Variants in GALK1 observed in about 807,000 individuals in gnomAD.
GALK1 encodes galactokinase 1.
Under a neutral mutation model 38.6 loss-of-function variants are expected in GALK1, and 30 were observed. The ratio of observed to expected loss-of-function variants is 0.78; its 90% CI spans 0.58 to 1.05. The LOEUF (loss-of-function observed/expected upper bound fraction) is 1.05, where lower values mean the gene tolerates loss of function less well. Ranked by LOEUF, GALK1 falls within the 50% of genes least tolerant of loss-of-function variation. The pLI is 0.00. For missense variants in GALK1, 512 were observed against 540.5 expected (o/e 0.95, Z 0.52); for synonymous variants, 240 against 233.6 (o/e 1.03, Z -0.25).
chr17:75,753,456 G>C (rs988568016), downstream of GALK1, among the ~76,000 whole-genome samples: 1 of 152,200 alleles, frequency 6.6e-6, no homozygotes, highest in Non-Finnish European at 1.5e-5. Context: ...AGTAAAGCAA[G>C]GGAGACCTCA....
chr17:75,765,082 C>A lies in GALK1; in HGVS notation c.55G>T (p.Ala19Ser). The change falls in exon 1 of 8, where the codon GCC (alanine) becomes TCC (serine). Residue 19 changes from alanine (A) to serine (S), a missense_variant. Coordinates refer to ENST00000588479, the MANE Select transcript of GALK1 (RefSeq NM_000154.2). ...VAELLAEARR[A>S]FREEFGAEPE... ...TCGGCCCCGAACTCCTCCCGGAAGGCTCGCCGGGCCTCGGCCAGCAGCTCC... is the reference window on the plus strand; with the variant it reads ...TCGGCCCCGAACTCCTCCCGGAAGGATCGCCGGGCCTCGGCCAGCAGCTCC... 6.3e-7 allele frequency: 1 copy of A among 1,593,854 alleles called. No homozygotes were observed. Among genetic ancestry groups the A allele is most frequent in the East Asian group, 2.3e-5 (1 of 43,980 alleles).
chr17:75,754,702 T>A (rs778439730), downstream of GALK1: 5 of 1,614,134 alleles, frequency 3.1e-6, no homozygotes, highest in South Asian at 4.4e-5. Flanking sequence ...CACCGCGTGC[T>A]AAGCACATCC....
At chr17:75,758,649 C>A (rs978329902) in intron 5 of GALK1, 50 bp from the exon 6 acceptor site, 2 of 1,550,840 alleles carry the variant, frequency 1.3e-6, no homozygotes, top group East Asian at 2.4e-5. Context: ...CCTGGGGCCC[C>A]GACGCCTGTG....
downstream of GALK1, chr17:75,754,652 T>A (rs138486001): frequency 4.8e-5 from 78 of 1,613,912 alleles, no homozygotes; most frequent in Non-Finnish European, 6.4e-5. Flanking sequence ...CCACGACCAG[T>A]GCTGCTGCCT....
downstream of GALK1, chr17:75,753,777 A>T: frequency 2.1e-6 from 3 of 1,449,056 alleles, no homozygotes; most frequent in African/African-American, 2.9e-5. Flanking sequence ...TGCGGCTGGA[A>T]GTTCGAGCCC....
chr17:75,762,520 A>G (rs935082523), intron 5 of GALK1, among the ~76,000 whole-genome samples, 184 bp downstream of exon 5: 1 of 152,140 alleles, frequency 6.6e-6, no homozygotes, highest in Non-Finnish European at 1.5e-5. Flanking sequence ...ATTAGATAAG[A>G]CCATTTTAGG....
downstream of GALK1, chr17:75,756,313 C>A: frequency 8.8e-7 from 1 of 1,138,352 alleles, no homozygotes; most frequent in South Asian, 1.3e-5. Flanking sequence ...ACCCAAACCA[C>A]AGCTAGTCCT....
downstream of GALK1, chr17:75,755,175 T>G (rs1034584331): frequency 6.2e-7 from 1 of 1,608,018 alleles, no homozygotes; most frequent in Admixed American, 1.7e-5. Flanking sequence ...GACTCTATAA[T>G]CCTGGCTGGG....
downstream of GALK1, chr17:75,755,080 G>A (rs761964471): frequency 1.1e-5 from 18 of 1,600,954 alleles, no homozygotes; most frequent in Admixed American, 1.7e-5. Flanking sequence ...GGGAACACGG[G>A]AGGAGCAGGC....
At chr17:75,764,301 G>A (rs993945781) in intron 1 of GALK1, 5 of 754,520 alleles carry the variant, frequency 6.6e-6, no homozygotes, top group Admixed American at 3.4e-5. Flanking sequence ...TGCAGCTGGA[G>A]CACAGACCTG....
Position 75,758,431 on chromosome 17 carries a change from G to A in GALK1, c.944+18C>T. On this transcript the variant is annotated intron_variant, in intron 6 of 7. Coordinates refer to ENST00000588479, the MANE Select transcript of GALK1 (RefSeq NM_000154.2). ...CCGGCCTGTGCCCGGCAGGAGCGGG[G>A]CGCCCAGAGGGCCTCACCTGAGTGA... The A allele has an allele frequency of 6.4e-7, 1 of 1,574,306 alleles. No homozygotes were observed.
At chr17:75,756,864 T>C, downstream of GALK1, 1 of 1,612,228 alleles carries the variant, frequency 6.2e-7, no homozygotes, top group Non-Finnish European at 8.5e-7. Flanking sequence ...GAGGAGGTGC[T>C]GCCCACCCCG....
At chr17:75,763,182 C>T in intron 3 of GALK1, 33 bp from the exon 4 acceptor site, 1 of 1,610,134 alleles carries the variant, frequency 6.2e-7, no homozygotes, top group Middle Eastern at 1.7e-4. Context: ...GAGGCTAGGG[C>T]TGGTGGAAGC....
chr17:75,751,477 A>G, downstream of GALK1: 1 of 337,338 alleles, frequency 3.0e-6, no homozygotes, highest in South Asian at 2.8e-5. Context: ...TCTGAATTTC[A>G]GATAGCACTT....
At chr17:75,759,333 CAGG>C (rs1486716553) in intron 5 of GALK1, among the ~76,000 whole-genome samples, 26 of 151,854 alleles carry the variant, frequency 1.7e-4, no homozygotes, top group African/African-American at 6.0e-4. Context: ...GAGGCTGAGG[CAGG>C]AGAATTGCTT....
downstream of GALK1, chr17:75,754,956 GCACACGCATGCACACATGTA>G: frequency 1.7e-6 from 2 of 1,198,702 alleles, no homozygotes; most frequent in Non-Finnish European, 2.3e-6. Context: ...GCACACACGT[GCACACGCATGCACACATGTA>G]CACAGACATG....
At chr17:75,756,415 C>T, downstream of GALK1, 1 of 1,613,154 alleles carries the variant, frequency 6.2e-7, no homozygotes, top group Non-Finnish European at 8.5e-7. Context: ...TGTGCCCCCA[C>T]CTGATCCCCC....
intron 3 of GALK1, 84 bp downstream of exon 3, chr17:75,763,236 C>G: frequency 6.2e-7 from 1 of 1,611,412 alleles, no homozygotes; most frequent in Non-Finnish European, 8.5e-7. Context: ...CCTGCCACCC[C>G]CTCCATAAGG....
In GALK1 at chr17:75,752,139, C is replaced by T. The variant is rs1241323890; in HGVS notation, c.*23-402G>A. 3 of 1,610,656 alleles carry T rather than the reference C, an allele frequency of 1.9e-6. No homozygotes were observed. In the Admixed American group the frequency reaches 5.0e-5, roughly 27 times the overall value. On this transcript the variant is annotated intron_variant, in intron 8 of 8. Transcript: ENST00000225614. Reference sequence around the variant, plus strand: ...GGTGGTGTTGGGACCAGGCTGGGACCTGGGTGACCCTCTGAAGCACTCTCT... The same window carrying T: ...GGTGGTGTTGGGACCAGGCTGGGACTTGGGTGACCCTCTGAAGCACTCTCT...
Sources: allele counts gnomAD v4.1 joint callset (sites outside exome capture counted in the v4.1 genomes callset), GRCh38; gene constraint gnomAD v4.1.1; transcripts MANE v1.5; gene names NCBI Gene and HGNC (gene_info 2026-07-23, HGNC 2026-07-21).